Variants in SPIN1 observed in about 807,000 individuals in gnomAD.
SPIN1 encodes spindlin-1.
Under a neutral mutation model 26.0 loss-of-function variants are expected in SPIN1, and 3 were observed. The ratio of observed to expected loss-of-function variants is 0.12; its 90% CI spans 0.05 to 0.30. The LOEUF (loss-of-function observed/expected upper bound fraction) is 0.30, where lower values mean the gene tolerates loss of function less well. SPIN1 is among the 10% of genes least tolerant of loss of function. The pLI is 1.00. For missense variants in SPIN1, 126 were observed against 333.4 expected (o/e 0.38, Z 4.84); for synonymous variants, 101 against 116.5 (o/e 0.87, Z 0.86).
chr9:88,395,837 A>G (rs1827040473), intron 1 of SPIN1, among the ~76,000 whole-genome samples: 1 of 151,676 alleles, frequency 6.6e-6, no homozygotes, highest in Admixed American at 6.6e-5. Context: ...TCATGAGGTC[A>G]GGAGTTCAAG....
chr9:88,450,426 G>C (rs973671344), intron 3 of SPIN1, among the ~76,000 whole-genome samples: 2 of 152,138 alleles, frequency 1.3e-5, no homozygotes, highest in African/African-American at 4.8e-5. Flanking sequence ...AATCATCTAT[G>C]ATTAAAAGTT....
At chr9:88,420,209 C>T (rs1827643987) in intron 1 of SPIN1, among the ~76,000 whole-genome samples, 1 of 152,080 alleles carries the variant, frequency 6.6e-6, no homozygotes, top group African/African-American at 2.4e-5. Flanking sequence ...AACCTCGTCT[C>T]TACTAAAATT....
At chr9:88,458,609 A>G (rs982040761) in intron 3 of SPIN1, among the ~76,000 whole-genome samples, 2 of 152,168 alleles carry the variant, frequency 1.3e-5, no homozygotes, top group African/African-American at 4.8e-5. Flanking sequence ...TTCTGCTGTC[A>G]TAGGTCACGT....
At chr9:88,436,521 C>A (rs1300283653) in intron 2 of SPIN1, among the ~76,000 whole-genome samples, 1 of 152,060 alleles carries the variant, frequency 6.6e-6, no homozygotes, top group Non-Finnish European at 1.5e-5. Flanking sequence ...ACCCAAAGTC[C>A]ATAGTTTACA....
At chr9:88,454,662 A>T (rs536815269) in intron 3 of SPIN1, among the ~76,000 whole-genome samples, 6 of 152,214 alleles carry the variant, frequency 3.9e-5, no homozygotes, top group Non-Finnish European at 8.8e-5. Flanking sequence ...TAGCTTCAAT[A>T]ATCTACATCA....
chr9:88,413,429 G>C (rs1827497396), intron 1 of SPIN1, among the ~76,000 whole-genome samples: 2 of 151,528 alleles, frequency 1.3e-5, no homozygotes, highest in Admixed American at 6.6e-5. Flanking sequence ...TATCGCCCAG[G>C]CTGGAGTGCA....
In SPIN1 at chr9:88,440,319, T is replaced by C. The variant is rs547994719; in HGVS notation, c.53-8622T>C. The stretch of plus-strand genomic sequence containing the variant: ...TATCAAGGATATTTTTTGTTTTTAA[T>C]TTTTTTTTTAATTTTTAAAAATAGA... On this transcript the variant is annotated intron_variant, in intron 2 of 5. Coordinates refer to ENST00000375859, the MANE Select transcript of SPIN1 (RefSeq NM_006717.3). Among the ~76,000 whole-genome samples the C allele has an allele frequency of 5.7e-4, 85 of 148,638 alleles. 1 individual carries two copies. The Middle Eastern group carries it at 0.014, about 24-fold the overall frequency.
At chr9:88,417,619 C>T (rs7025744) in intron 1 of SPIN1, among the ~76,000 whole-genome samples, 11,727 of 152,020 alleles carry the variant, frequency 0.077, 1,428 homozygotes, top group African/African-American at 0.26. Flanking sequence ...ACTACAGGCA[C>T]GTGCCACCAT....
At chr9:88,392,486 G>A (rs1423380588) in intron 1 of SPIN1, among the ~76,000 whole-genome samples, 1 of 152,036 alleles carries the variant, frequency 6.6e-6, no homozygotes, top group Non-Finnish European at 1.5e-5. Flanking sequence ...CTGGATGGAG[G>A]GGAAAGCAGG....
chr9:88,428,717 T>G (rs1376943063), intron 2 of SPIN1, among the ~76,000 whole-genome samples: 3 of 152,248 alleles, frequency 2.0e-5, no homozygotes, highest in Non-Finnish European at 4.4e-5. Flanking sequence ...TTCTTTGATT[T>G]TTTTATGGCA....
chr9:88,475,070 T>TTTG lies in SPIN1; in HGVS notation c.590-8_590-7insTTG. On this transcript the variant is annotated splice_polypyrimidine_tract_variant and splice_region_variant and intron_variant, in intron 5 of 5. Coordinates refer to ENST00000375859, the MANE Select transcript of SPIN1 (RefSeq NM_006717.3). Reference sequence around the variant, plus strand: ...CTCTTTTTTTTTTTTTTTTTTTTTTTAATATAGATGATTCACCTCCAGCAG... The same window carrying TTTG: ...CTCTTTTTTTTTTTTTTTTTTTTTTTTTGAATATAGATGATTCACCTCCAGCAG... 2 of 1,300,686 alleles carry TTTG rather than the reference T, an allele frequency of 1.5e-6. No individual in the cohort carries two copies. Among genetic ancestry groups the TTTG allele is most frequent in the Non-Finnish European group, 1.0e-6 (1 of 976,442 alleles). 80.6% of individuals were successfully genotyped at this position (1,300,686 alleles called of 1,614,324 possible).
chr9:88,439,423 T>C (rs1822880073), intron 2 of SPIN1, among the ~76,000 whole-genome samples: 1 of 152,302 alleles, frequency 6.6e-6, no homozygotes, highest in South Asian at 2.1e-4. Flanking sequence ...TTATTTAAAA[T>C]ATTACATAAA....
At chr9:88,437,429 G>C (rs1451168219) in intron 2 of SPIN1, among the ~76,000 whole-genome samples, 1 of 151,734 alleles carries the variant, frequency 6.6e-6, no homozygotes, top group Non-Finnish European at 1.5e-5. Context: ...GCCAAGGAGG[G>C]AGAAGCTTCA....
rs181037149 is a variant in SPIN1, at chr9:88,450,653, G to A, written c.101+1664G>A. ...TCATCCTATATGTTCCACATTTGGGGACCTTAATTTAGTGCTTTCACAAGC... is the reference window on the plus strand; with the variant it reads ...TCATCCTATATGTTCCACATTTGGGAACCTTAATTTAGTGCTTTCACAAGC... On this transcript the variant is annotated intron_variant, in intron 3 of 5. Transcript: ENST00000375859. Among the ~76,000 whole-genome samples, 411 of 152,266 alleles carry A rather than the reference G, an allele frequency of 2.7e-3. 2 individuals are homozygous for A. The highest frequency in any genetic ancestry group is 9.2e-3 in the African/African-American group (381 of 41,542).
At chr9:88,451,286 G>A (rs1390240967) in intron 3 of SPIN1, among the ~76,000 whole-genome samples, 1 of 152,146 alleles carries the variant, frequency 6.6e-6, no homozygotes, top group African/African-American at 2.4e-5. Context: ...ACCTCTGGTT[G>A]CTTGAGGGAA....
At chr9:88,444,915 C>T (rs565797628) in intron 2 of SPIN1, among the ~76,000 whole-genome samples, 13 of 152,016 alleles carry the variant, frequency 8.6e-5, no homozygotes, top group South Asian at 6.2e-4. Context: ...AGGATGGTCT[C>T]GATCTCCTGA....
At chr9:88,452,747 T>C (rs1389283678) in intron 3 of SPIN1, among the ~76,000 whole-genome samples, 1 of 152,226 alleles carries the variant, frequency 6.6e-6, no homozygotes, top group African/African-American at 2.4e-5. Flanking sequence ...GGAACTTTTA[T>C]TGAATAACAG....
At chr9:88,457,848 A>G (rs983498967) in intron 3 of SPIN1, 1 of 984,194 alleles carries the variant, frequency 1.0e-6, no homozygotes, top group Non-Finnish European at 1.2e-6. Context: ...CTACGCAAAA[A>G]GCAACCAAAA....
intron 1 of SPIN1, chr9:88,410,597 A>C (rs1365393007): frequency 1.1e-6 from 1 of 911,862 alleles, no homozygotes; most frequent in Non-Finnish European, 1.8e-6. Context: ...CCGTGGTTTC[A>C]TGGTTTGGCA....
Sources: gnomAD v4.1 joint callset for allele counts (sites outside exome capture counted in the v4.1 genomes callset) on GRCh38, gnomAD v4.1.1 for gene constraint, MANE v1.5 for transcripts, NCBI Gene and HGNC (gene_info 2026-07-23, HGNC 2026-07-21) for gene names.